PSG5: variants seen among roughly 807,000 people sequenced by gnomAD.
PSG5 encodes pregnancy-specific beta-1-glycoprotein 5.
A neutral mutation model predicts 37.7 loss-of-function variants in PSG5; 53 were observed. The observed-to-expected ratio is 1.41, with a 90% CI of 1.13 to 1.77. The LOEUF (loss-of-function observed/expected upper bound fraction) is 1.77. Ranked by LOEUF, PSG5 falls within the 40% of genes most tolerant of loss-of-function variation. The pLI, the probability that PSG5 is intolerant of heterozygous loss-of-function variation, is 0.00. For synonymous variants in PSG5, 221 were observed against 155.4 expected, an observed-to-expected ratio of 1.42 and a Z score of -3.14; for missense variants, 547 against 405.2, an observed-to-expected ratio of 1.35 and a Z score of -3.00.
intron 5 of PSG5, among the ~76,000 whole-genome samples, chr19:43,169,302 T>TA (rs1968853481): frequency 6.6e-6 from 1 of 151,616 alleles, no homozygotes; most frequent in South Asian, 2.1e-4. Context: ...CAACCACACA[T>TA]AGGTTGTGTT....
chr19:43,169,063 C>T (rs1180760325), intron 5 of PSG5, among the ~76,000 whole-genome samples: 1 of 151,616 alleles, frequency 6.6e-6, no homozygotes, highest in Admixed American at 6.6e-5. Context: ...ATGGGTGGGG[C>T]TTGAGCATCC....
intron 4 of PSG5, 43 bp from the exon 5 acceptor site, chr19:43,170,181 A>G: frequency 1.3e-6 from 2 of 1,498,674 alleles, no homozygotes; most frequent in Non-Finnish European, 1.8e-6. Context: ...AGGTGATGTT[A>G]TTTTACATGG....
chr19:43,171,475 G>T (rs1341796596), intron 4 of PSG5: 3 of 208,648 alleles, frequency 1.4e-5, no homozygotes, highest in African/African-American at 2.3e-5. Context: ...TATGAAAGAA[G>T]AACAAACTAA....
intron 1 of PSG5, among the ~76,000 whole-genome samples, chr19:43,185,970 T>C (rs1966929526): frequency 6.6e-6 from 1 of 151,120 alleles, no homozygotes; most frequent in African/African-American, 2.4e-5. Flanking sequence ...TTTTTCTTTT[T>C]TCTTTTTTTT....
At chr19:43,185,873 G>A (rs149889815) in intron 1 of PSG5, among the ~76,000 whole-genome samples, 547 of 41,622 alleles carry the variant, frequency 0.013, 9 homozygotes, top group African/African-American at 0.068. Context: ...TACCAATTCC[G>A]GTTCAATATG....
At chr19:43,183,817 T>G (rs1383626887) in intron 2 of PSG5, among the ~76,000 whole-genome samples, 1 of 151,484 alleles carries the variant, frequency 6.6e-6, no homozygotes, top group African/African-American at 2.4e-5. Flanking sequence ...GACCCTGATC[T>G]CCCCCTTTGG....
At chr19:43,169,537 A>G (rs1968859024) in intron 5 of PSG5, among the ~76,000 whole-genome samples, 1 of 151,670 alleles carries the variant, frequency 6.6e-6, no homozygotes, top group African/African-American at 2.4e-5. Flanking sequence ...TATACTAGGA[A>G]GTAGAGGTAA....
In PSG5 at chr19:43,185,019, A is replaced by T. The variant is rs2122245367; in HGVS notation, c.193T>A (p.Tyr65Asn). 2 of 1,612,704 alleles carry T rather than the reference A, an allele frequency of 1.2e-6. No individual in the cohort carries two copies. The highest frequency in any genetic ancestry group is 4.5e-5 in the East Asian group (2 of 44,874). Reference sequence around the variant, plus strand: ...ATCAGTTGTCCTTTGTACCAGATGTAGCCAGCAAGATTCTGAGGCAAATTG... The same window carrying T: ...ATCAGTTGTCCTTTGTACCAGATGTTGCCAGCAAGATTCTGAGGCAAATTG... ...VHNLPQNLAG[Y>N]IWYKGQLMDL... Residue 65 changes from tyrosine to asparagine, a missense_variant, in exon 2 of 6, where the codon TAC becomes AAC. Physicochemically the swap from Tyr to Asn is moderately radical, Grantham distance 143. Coordinates refer to ENST00000342951, the MANE Select transcript of PSG5 (RefSeq NM_002781.4).
chr19:43,169,481 G>T (rs1380695681), intron 5 of PSG5, among the ~76,000 whole-genome samples: 1 of 151,634 alleles, frequency 6.6e-6, no homozygotes, highest in Non-Finnish European at 1.5e-5. Flanking sequence ...TATGGGTGAA[G>T]GGGCAGGGAT....
intron 1 of PSG5, among the ~76,000 whole-genome samples, 169 bp downstream of exon 1, chr19:43,186,173 T>A (rs971093247): frequency 5.3e-5 from 8 of 151,340 alleles, no homozygotes; most frequent in African/African-American, 1.5e-4. Context: ...AGACAGGGCT[T>A]CACTGTGTTG....
intron 3 of PSG5, 36 bp from the exon 4 acceptor site, chr19:43,175,505 T>A: frequency 6.3e-7 from 1 of 1,576,564 alleles, no homozygotes; most frequent in Non-Finnish European, 8.6e-7. Flanking sequence ...GGTGATGTCA[T>A]CCAAGGGAAG....
intron 2 of PSG5, among the ~76,000 whole-genome samples, chr19:43,184,354 C>T (rs1379237690): frequency 6.6e-6 from 1 of 151,666 alleles, no homozygotes; most frequent in Non-Finnish European, 1.5e-5. Context: ...ACAGGCTCCT[C>T]AGCTTAACTG....
At chr19:43,184,689 A>T (rs1969204245) in intron 2 of PSG5, 93 bp downstream of exon 2, 1 of 1,588,356 alleles carries the variant, frequency 6.3e-7, no homozygotes, top group African/African-American at 1.4e-5. Flanking sequence ...GCAGAGAGGG[A>T]CACAGGCACA....
chr19:43,167,979 C>A lies in PSG5; in HGVS notation c.*265G>T, dbSNP rs1804231. 6 of 406,620 alleles carry A rather than the reference C, an allele frequency of 1.5e-5. No individual in the cohort carries two copies. The highest frequency in any genetic ancestry group is 8.3e-5 in the African/African-American group (4 of 48,112). The allele number at this position is 406,620 out of a possible 1,614,324, so 25.2% of individuals were successfully genotyped here. A position where few individuals can be genotyped will look rare whatever the true frequency, so the allele number is the denominator to read the frequency against. ...AACATTATGCTTTTGATTATTTAGTCCAATAACATGGAGTTTTTTTCTTCT... is the reference window on the plus strand; with the variant it reads ...AACATTATGCTTTTGATTATTTAGTACAATAACATGGAGTTTTTTTCTTCT... On this transcript the variant is annotated 3_prime_UTR_variant, in exon 6 of 6. Transcript: ENST00000342951.
intron 2 of PSG5, among the ~76,000 whole-genome samples, chr19:43,181,399 A>G (rs1969125137): frequency 6.6e-6 from 1 of 151,602 alleles, no homozygotes; most frequent in Non-Finnish European, 1.5e-5. Flanking sequence ...CAAGCCAGAG[A>G]TTCTTTCCCC....
Position 43,185,191 on chromosome 19 carries a change from T to C in PSG5, c.65-44A>G, listed in dbSNP as rs562351163. ...ACCAGTCAATATTGAGACCTGTGTA[T>C]TGGGGTGAAAAGATGGAGCCCTGGG... On this transcript the variant is annotated intron_variant, in intron 1 of 5. Transcript: ENST00000342951. 5.2e-6 allele frequency: 8 copies of C among 1,547,486 alleles called. 1 individual carries two copies. The highest frequency in any genetic ancestry group is 3.9e-5 in the Admixed American group (2 of 51,758).
chr19:43,172,261 G>A (rs531376179), intron 4 of PSG5, among the ~76,000 whole-genome samples: 3 of 151,692 alleles, frequency 2.0e-5, no homozygotes, highest in African/African-American at 7.3e-5. Flanking sequence ...AAGGCAATAT[G>A]TGAAAAACCC....
At chr19:43,185,599 A>G (rs1966919285) in intron 1 of PSG5, among the ~76,000 whole-genome samples, 1 of 151,164 alleles carries the variant, frequency 6.6e-6, no homozygotes, top group African/African-American at 2.4e-5. Context: ...ATCTCTTTGC[A>G]TGTCTGTCTT....
intron 2 of PSG5, chr19:43,179,286 G>C: frequency 1.6e-6 from 2 of 1,288,160 alleles, no homozygotes; most frequent in Non-Finnish European, 2.1e-6. Context: ...TGGCAGGTGT[G>C]TGTGTTACAA....
Sources: allele counts gnomAD v4.1 joint callset (sites outside exome capture counted in the v4.1 genomes callset), GRCh38; gene constraint gnomAD v4.1.1; transcripts MANE v1.5; gene names NCBI Gene and HGNC (gene_info 2026-07-23, HGNC 2026-07-21).